The following SLC35F2 variants were observed in gnomAD, a reference collection of about 807,000 sequenced individuals.
SLC35F2 encodes the protein queuine/queuosine transporter SLC35F2.
Under a neutral mutation model 38.1 loss-of-function variants are expected in SLC35F2, and 25 were observed. The observed-to-expected ratio is 0.66, with a 90% CI of 0.48 to 0.92. SLC35F2 has a LOEUF of 0.92. Among genes scored for constraint, SLC35F2 ranks in the 40% least tolerant of loss-of-function variants. The pLI is 0.00. For synonymous variants in SLC35F2, 173 were observed against 181.7 expected (o/e 0.95, Z 0.38); for missense variants, 409 against 452.9 (o/e 0.90, Z 0.88).
At chr11:107,838,386 G>A (rs998185009) in intron 1 of SLC35F2, among the ~76,000 whole-genome samples, 15 of 152,096 alleles carry the variant, frequency 9.9e-5, no homozygotes, top group African/African-American at 3.1e-4. Context: ...GTACAACGGC[G>A]TACTCTCGGC....
intron 1 of SLC35F2, among the ~76,000 whole-genome samples, chr11:107,838,870 C>T (rs1018641093): frequency 6.6e-6 from 1 of 151,966 alleles, no homozygotes; most frequent in South Asian, 2.1e-4. Context: ...CTCAGGTGAT[C>T]TGCCCATCTC....
intron 7 of SLC35F2, among the ~76,000 whole-genome samples, chr11:107,796,952 C>T (rs1354242698): frequency 2.0e-5 from 3 of 152,094 alleles, no homozygotes; most frequent in East Asian, 1.9e-4. Context: ...GGATTACAGG[C>T]GTGAGCCACC....
At chr11:107,847,930 T>C (rs1021157927) in intron 1 of SLC35F2, among the ~76,000 whole-genome samples, 2 of 152,148 alleles carry the variant, frequency 1.3e-5, no homozygotes, top group Admixed American at 6.6e-5. Context: ...TCCTACCTCA[T>C]GTCGAGAAGA....
At chr11:107,846,423 A>G (rs1341187085) in intron 1 of SLC35F2, among the ~76,000 whole-genome samples, 1 of 152,180 alleles carries the variant, frequency 6.6e-6, no homozygotes, top group African/African-American at 2.4e-5. Flanking sequence ...TAAATATGCC[A>G]TGAAAATTTT....
intron 1 of SLC35F2, among the ~76,000 whole-genome samples, chr11:107,848,749 G>C (rs528626071): frequency 7.2e-5 from 11 of 152,222 alleles, no homozygotes; most frequent in African/African-American, 2.6e-4. Context: ...ACGATCAATA[G>C]CAGCACACCC....
At chr11:107,814,766 C>T (rs1859540258) in intron 2 of SLC35F2, among the ~76,000 whole-genome samples, 1 of 152,258 alleles carries the variant, frequency 6.6e-6, no homozygotes, top group South Asian at 2.1e-4. Context: ...AATTCGAGAC[C>T]AGCCTGGGCA....
At position 107,857,696 on chromosome 11, in the gene SLC35F2, G is replaced by GA. The variant is rs1166410928; in HGVS notation, c.110+961dup. 5.4e-5 allele frequency among the ~76,000 whole-genome samples: 8 copies of GA among 149,338 alleles called. No homozygotes were observed. The South Asian group carries it at 6.3e-4, about 12-fold the overall frequency. On this transcript the variant is annotated intron_variant, in intron 1 of 7. Coordinates refer to ENST00000525815, the MANE Select transcript of SLC35F2 (RefSeq NM_017515.5). Reference sequence around the variant, plus strand: ...AAAGGGAAATTCGCTTTGTTAATATGAAAAAAAAATCAAATATCTGTTTCA... The same window carrying GA: ...AAAGGGAAATTCGCTTTGTTAATATGAAAAAAAAAATCAAATATCTGTTTCA...
chr11:107,837,900 C>T (rs1273588162), intron 1 of SLC35F2, among the ~76,000 whole-genome samples: 1 of 151,166 alleles, frequency 6.6e-6, no homozygotes, highest in Non-Finnish European at 1.5e-5. Context: ...TTTTTTGCCA[C>T]CCACCCACCC....
chr11:107,809,488 C>T (rs947757230), intron 3 of SLC35F2: 1 of 149,318 alleles, frequency 6.7e-6, no homozygotes, highest in Non-Finnish European at 1.4e-5. Flanking sequence ...AAAAATTAGC[C>T]AAGTGTGGTG....
Position 107,828,626 on chromosome 11 carries a change from T to C in SLC35F2, c.111-12661A>G, listed in dbSNP as rs1418692347. On this transcript the variant is annotated intron_variant, in intron 1 of 7. Coordinates refer to ENST00000525815, the MANE Select transcript of SLC35F2 (RefSeq NM_017515.5). ...GAGTTGATGAAAAGGAGTTTGTCCT[T>C]GTGGAAATAGTCTGTATAATGAATT... Among the ~76,000 whole-genome samples the C allele has an allele frequency of 2.6e-5, 4 of 152,076 alleles. No homozygotes were observed. The East Asian group carries it at 7.7e-4, about 29-fold the overall frequency.
intron 1 of SLC35F2, among the ~76,000 whole-genome samples, chr11:107,821,022 A>T (rs1859662209): frequency 6.6e-6 from 1 of 152,132 alleles, no homozygotes; most frequent in Non-Finnish European, 1.5e-5. Flanking sequence ...GAAAGAAGGA[A>T]CCTGGCCTGA....
At chr11:107,838,992 T>G (rs904960018) in intron 1 of SLC35F2, among the ~76,000 whole-genome samples, 3 of 152,192 alleles carry the variant, frequency 2.0e-5, no homozygotes, top group African/African-American at 7.2e-5. Context: ...ACCATTATAC[T>G]GTTGAAAAAT....
chr11:107,798,297 G>A (rs933946107), intron 7 of SLC35F2, among the ~76,000 whole-genome samples: 8 of 152,032 alleles, frequency 5.3e-5, no homozygotes, highest in South Asian at 2.1e-4. Context: ...AGCCACTTGC[G>A]CCCAGCCTTA....
chr11:107,843,907 ATG>A lies in SLC35F2; in HGVS notation c.110+14749_110+14750del, dbSNP rs1487486596. On this transcript the variant is annotated intron_variant, in intron 1 of 7. Coordinates refer to ENST00000525815, the MANE Select transcript of SLC35F2 (RefSeq NM_017515.5). ...TATATATATATATATATATATATAT[ATG>A]TATATTAATTAAGCCATTCATGAGC... Among the ~76,000 whole-genome samples the A allele has an allele frequency of 2.2e-3, 288 of 128,176 alleles. 5 individuals are homozygous for A. The highest frequency in any genetic ancestry group is 8.0e-3 in the African/African-American group (271 of 33,722). 84.1% of individuals were successfully genotyped at this position (128,176 alleles called of 152,430 possible).
intron 1 of SLC35F2, among the ~76,000 whole-genome samples, chr11:107,845,782 A>G (rs1860096387): frequency 1.3e-5 from 2 of 151,786 alleles, no homozygotes; most frequent in Admixed American, 6.6e-5. Flanking sequence ...GTAAAACCCC[A>G]TCTCTACTAA....
At chr11:107,805,021 T>C (rs1485711481) in intron 5 of SLC35F2, 12 of 981,604 alleles carry the variant, frequency 1.2e-5, no homozygotes, top group Non-Finnish European at 1.3e-5. Flanking sequence ...TATGATATTA[T>C]GCTTTGTTTT....
At chr11:107,821,450 G>C in intron 1 of SLC35F2, 1 of 985,390 alleles carries the variant, frequency 1.0e-6, no homozygotes, top group Non-Finnish European at 1.2e-6. Flanking sequence ...GCAAGAGTGA[G>C]AGAGAAAAGC....
chr11:107,802,941 C>T (rs1204754978), intron 7 of SLC35F2, 60 bp downstream of exon 7: 5 of 1,474,672 alleles, frequency 3.4e-6, no homozygotes, highest in Non-Finnish European at 4.5e-6. Flanking sequence ...CTTGAAGAAA[C>T]CTGCTACGTT....
intron 1 of SLC35F2, among the ~76,000 whole-genome samples, chr11:107,825,982 C>A (rs1591198355): frequency 1.3e-5 from 2 of 152,170 alleles, no homozygotes; most frequent in East Asian, 3.9e-4. Context: ...TACCCCAAGG[C>A]AACTCTGGCA....
Sources: allele counts gnomAD v4.1 joint callset (sites outside exome capture counted in the v4.1 genomes callset), GRCh38; gene constraint gnomAD v4.1.1; transcripts MANE v1.5; gene names NCBI Gene and HGNC (gene_info 2026-07-23, HGNC 2026-07-21).